ASRGL1: variants seen among roughly 807,000 people sequenced by gnomAD.
ASRGL1 encodes the protein isoaspartyl peptidase/L-asparaginase.
Under a neutral mutation model 22.4 loss-of-function variants are expected in ASRGL1, and 16 were observed. That is an observed-to-expected ratio of 0.71 (90% confidence interval 0.48 to 1.08). The LOEUF is 1.08. Ranked by LOEUF, ASRGL1 falls within the 50% of genes least tolerant of loss-of-function variation. The pLI is 0.00. For synonymous variants in ASRGL1, 165 were observed against 159.3 expected (o/e 1.04, Z -0.27); for missense variants, 412 against 410.1 (o/e 1.00, Z -0.04).
intron 3 of ASRGL1, 97 bp downstream of exon 3, chr11:62,356,564 TCTC>T (rs1946302763): frequency 1.4e-6 from 2 of 1,398,190 alleles, no homozygotes; most frequent in African/African-American, 1.5e-5. Context: ...AGATCACTGT[TCTC>T]CTAAAAATAT....
At chr11:62,395,759 C>CTT (rs564952668), downstream of ASRGL1, among the ~76,000 whole-genome samples, 12,097 of 71,660 alleles carry the variant, frequency 0.17, 3,419 homozygotes, top group Non-Finnish European at 0.24. Flanking sequence ...GTAGCTGTTT[C>CTT]TTTTTTTTTT....
chr11:62,339,238 A>G (rs2134560204), intron 2 of ASRGL1, among the ~76,000 whole-genome samples: 1 of 152,294 alleles, frequency 6.6e-6, no homozygotes, highest in East Asian at 1.9e-4. Context: ...AGGGCTTGCT[A>G]TCTGTCATGT....
chr11:62,352,305 G>C (rs373080615), intron 2 of ASRGL1, among the ~76,000 whole-genome samples: 4 of 152,200 alleles, frequency 2.6e-5, no homozygotes, highest in African/African-American at 4.8e-5. Flanking sequence ...AAGCCTCAAG[G>C]CTGGGCACGG....
intron 2 of ASRGL1, among the ~76,000 whole-genome samples, chr11:62,350,777 C>A (rs899280373): frequency 1.3e-5 from 2 of 152,188 alleles, no homozygotes; most frequent in East Asian, 3.8e-4. Context: ...GCCTGGGCAA[C>A]AGAGCAAGAC....
At chr11:62,359,638 T>G (rs1247916007) in intron 4 of ASRGL1, among the ~76,000 whole-genome samples, 1 of 152,160 alleles carries the variant, frequency 6.6e-6, no homozygotes, top group Non-Finnish European at 1.5e-5. Context: ...AGCCACTCAG[T>G]AGCCACATGG....
chr11:62,371,415 G>T, intron 4 of ASRGL1: 1 of 584,304 alleles, frequency 1.7e-6, no homozygotes, highest in Non-Finnish European at 3.0e-6. Context: ...ACACCAAGAA[G>T]CACGTCAAAC....
intron 2 of ASRGL1, among the ~76,000 whole-genome samples, chr11:62,347,419 C>T (rs559179817): frequency 2.0e-5 from 3 of 152,234 alleles, no homozygotes; most frequent in South Asian, 4.1e-4. Flanking sequence ...TCTGATTACA[C>T]GATTGGTTCC....
intron 4 of ASRGL1, among the ~76,000 whole-genome samples, chr11:62,362,521 T>TAAAATATATAACATATAAAATA: frequency 3.1e-5 from 1 of 32,016 alleles, no homozygotes; most frequent in Non-Finnish European, 5.3e-5. Flanking sequence ...CATATATTAT[T>TAAAATATATAACATATAAAATA]TATATAATAT....
At chr11:62,353,496 A>G (rs1946213102) in intron 2 of ASRGL1, among the ~76,000 whole-genome samples, 1 of 151,942 alleles carries the variant, frequency 6.6e-6, no homozygotes, top group African/African-American at 2.4e-5. Context: ...GGTGTGTGCT[A>G]CTATGCCCAG....
At chr11:62,358,104 C>G (rs760633697) in intron 4 of ASRGL1, among the ~76,000 whole-genome samples, 6 of 152,198 alleles carry the variant, frequency 3.9e-5, no homozygotes, top group Admixed American at 6.5e-5. Context: ...TGCGGTGGCT[C>G]ACACCTGTAA....
chr11:62,396,673 G>A (rs182554053), downstream of ASRGL1, among the ~76,000 whole-genome samples: 75 of 152,198 alleles, frequency 4.9e-4, 1 homozygote, highest in Admixed American at 4.8e-3. Context: ...CAAAATTCTG[G>A]GATTTTTACA....
chr11:62,371,178 C>T (rs974500969), intron 4 of ASRGL1: 3 of 1,235,058 alleles, frequency 2.4e-6, no homozygotes, highest in South Asian at 3.4e-5. Flanking sequence ...AGGAGCTGAG[C>T]TCGGGCAACG....
At chr11:62,385,002 A>G (rs1173960407) in intron 4 of ASRGL1, among the ~76,000 whole-genome samples, 1 of 146,990 alleles carries the variant, frequency 6.8e-6, no homozygotes, top group Non-Finnish European at 1.5e-5. Context: ...TACCACAGTA[A>G]CAGGATAGAA....
At chr11:62,372,874 C>T in intron 4 of ASRGL1, 1 of 1,602,520 alleles carries the variant, frequency 6.2e-7, no homozygotes, top group Non-Finnish European at 8.5e-7. Context: ...TACCCAAAAG[C>T]AGTGCAGGAC....
downstream of ASRGL1, among the ~76,000 whole-genome samples, chr11:62,396,985 G>A (rs1169417973): frequency 6.6e-6 from 1 of 152,116 alleles, no homozygotes; most frequent in Admixed American, 6.5e-5. Flanking sequence ...TGCCCGCCTT[G>A]GCCCTGGATT....
At chr11:62,337,805 G>A (rs919687229) in intron 1 of ASRGL1, 85 bp from the exon 2 acceptor site, 2 of 628,434 alleles carry the variant, frequency 3.2e-6, no homozygotes, top group South Asian at 2.4e-5. Context: ...TGGGCTTTTC[G>A]TACCAAGCTC....
At chr11:62,341,549 A>G (rs1230225040) in intron 2 of ASRGL1, among the ~76,000 whole-genome samples, 1 of 152,148 alleles carries the variant, frequency 6.6e-6, no homozygotes, top group Non-Finnish European at 1.5e-5. Context: ...CTTACAATGT[A>G]GAATCAATAA....
chr11:62,353,293 CTTTATAA>C lies in ASRGL1; in HGVS notation c.191-3028_191-3022del, dbSNP rs144927053. On this transcript the variant is annotated intron_variant, in intron 2 of 6. Transcript: ENST00000415229. ...TACATCTTATATTTCTTTGCTGAAACTTTATAATTTTTTTAGTTATTTCAAGTTCATT... is the reference window on the plus strand; with the variant it reads ...TACATCTTATATTTCTTTGCTGAAACTTTTTTTAGTTATTTCAAGTTCATT... Among the ~76,000 whole-genome samples the C allele has an allele frequency of 5.6e-3, 825 of 146,514 alleles. 26 individuals are homozygous for C. The East Asian group carries it at 0.099, about 18-fold the overall frequency.
chr11:62,377,162 G>A (rs1287737897), intron 4 of ASRGL1, among the ~76,000 whole-genome samples: 1 of 152,150 alleles, frequency 6.6e-6, no homozygotes, highest in Non-Finnish European at 1.5e-5. Flanking sequence ...TGAAGTTCTT[G>A]TGCTTTTATG....
Sources: allele counts gnomAD v4.1 joint callset (sites outside exome capture counted in the v4.1 genomes callset), GRCh38; gene constraint gnomAD v4.1.1; transcripts MANE v1.5; gene names NCBI Gene and HGNC (gene_info 2026-07-23, HGNC 2026-07-21).